The following EPM2A variants were observed in gnomAD, a reference collection of about 807,000 sequenced individuals.
EPM2A encodes the protein laforin.
EPM2A carries 21 observed loss-of-function variants against 26.5 expected under a neutral mutation model. The observed-to-expected ratio is 0.79, with a 90% CI of 0.56 to 1.14. The LOEUF is 1.14. Ranked by LOEUF, EPM2A falls within the 50% of genes most tolerant of loss-of-function variation. The pLI is 0.00. For synonymous variants in EPM2A, 217 were observed against 177.6 expected, an observed-to-expected ratio of 1.22 and a Z score of -1.76; for missense variants, 458 against 440.8, an observed-to-expected ratio of 1.04 and a Z score of -0.35.
At chr6:145,632,012 T>A (rs1776297651) in intron 3 of EPM2A, 2 of 152,196 alleles carry the variant, frequency 1.3e-5, no homozygotes, top group Non-Finnish European at 2.9e-5. Flanking sequence ...ATCTATAACA[T>A]CCTTTGGTAG....
intron 1 of EPM2A, among the ~76,000 whole-genome samples, chr6:145,710,143 T>C (rs563439868): frequency 6.6e-6 from 1 of 152,066 alleles, no homozygotes; most frequent in Non-Finnish European, 1.5e-5. Context: ...AAAGAGCTTC[T>C]GCACAGCAAA....
chr6:145,711,673 T>C (rs759250116), intron 1 of EPM2A, among the ~76,000 whole-genome samples: 1 of 152,002 alleles, frequency 6.6e-6, no homozygotes, highest in African/African-American at 2.4e-5. Context: ...AGTATTAGAG[T>C]TGGCAAAGGA....
intron 2 of EPM2A, among the ~76,000 whole-genome samples, chr6:145,609,371 G>T (rs1448881241): frequency 6.6e-6 from 1 of 152,108 alleles, no homozygotes; most frequent in African/African-American, 2.4e-5. Context: ...TAAGATTTTT[G>T]TCAGGTTTGT....
chr6:145,664,075 G>A (rs1434887468), intron 2 of EPM2A, among the ~76,000 whole-genome samples: 2 of 82,048 alleles, frequency 2.4e-5, no homozygotes, highest in Non-Finnish European at 4.7e-5. Flanking sequence ...AAAATGTAAA[G>A]ACCATCGAGA....
intron 2 of EPM2A, among the ~76,000 whole-genome samples, chr6:145,571,237 C>T (rs1198636406): frequency 2.6e-5 from 4 of 152,140 alleles, no homozygotes; most frequent in Non-Finnish European, 5.9e-5. Context: ...TCCTGGAGAA[C>T]TTAGCCCCAG....
At chr6:145,447,425 C>A (rs182570594) in intron 4 of EPM2A, among the ~76,000 whole-genome samples, 3 of 151,988 alleles carry the variant, frequency 2.0e-5, no homozygotes. Flanking sequence ...TTTGGAGTTT[C>A]ATTATCTCTC....
intron 2 of EPM2A, among the ~76,000 whole-genome samples, chr6:145,662,171 T>C (rs1778766654): frequency 6.6e-6 from 1 of 152,204 alleles, no homozygotes. Context: ...CTTCCTTCTC[T>C]TCTCTCTCTT....
intron 4 of EPM2A, among the ~76,000 whole-genome samples, chr6:145,428,872 T>G (rs1409626856): frequency 6.6e-6 from 1 of 152,216 alleles, no homozygotes; most frequent in East Asian, 1.9e-4. Context: ...GCACTTATCA[T>G]TAACCCAGAG....
At chr6:145,525,585 G>A (rs1209507488) in intron 2 of EPM2A, among the ~76,000 whole-genome samples, 1 of 151,876 alleles carries the variant, frequency 6.6e-6, no homozygotes, top group Non-Finnish European at 1.5e-5. Flanking sequence ...TTGTTGATTT[G>A]GCTCTCATCT....
intron 1 of EPM2A, among the ~76,000 whole-genome samples, chr6:145,731,882 T>G (rs369426219): frequency 6.6e-6 from 1 of 152,084 alleles, no homozygotes; most frequent in Non-Finnish European, 1.5e-5. Context: ...CTAACAGGAA[T>G]GGGCTTAGTT....
At chr6:145,474,578 T>C (rs1483539776) in intron 4 of EPM2A, among the ~76,000 whole-genome samples, 2 of 152,104 alleles carry the variant, frequency 1.3e-5, no homozygotes, top group Non-Finnish European at 2.9e-5. Context: ...ACTTCATGAC[T>C]AAAACACCAA....
chr6:145,541,150 T>G (rs1780503706), intron 2 of EPM2A, among the ~76,000 whole-genome samples: 1 of 147,462 alleles, frequency 6.8e-6, no homozygotes, highest in Non-Finnish European at 1.5e-5. Flanking sequence ...TAAAAATAAC[T>G]TTTTAACTAT....
At chr6:145,402,833 T>A (rs1272955750) in intron 4 of EPM2A, among the ~76,000 whole-genome samples, 2 of 152,098 alleles carry the variant, frequency 1.3e-5, no homozygotes, top group East Asian at 3.9e-4. Flanking sequence ...TCTTAAAGAG[T>A]TAAATCTACT....
chr6:145,680,302 C>T (rs1483071849), intron 2 of EPM2A, among the ~76,000 whole-genome samples: 2 of 150,906 alleles, frequency 1.3e-5, no homozygotes, highest in Non-Finnish European at 2.9e-5. Context: ...ACATAAACCT[C>T]TCTAGATAAA....
At chr6:145,548,406 A>G (rs1434634567) in intron 2 of EPM2A, among the ~76,000 whole-genome samples, 1 of 152,112 alleles carries the variant, frequency 6.6e-6, no homozygotes, top group African/African-American at 2.4e-5. Context: ...TCCTGCCTAG[A>G]TGACTTTGCA....
intron 2 of EPM2A, among the ~76,000 whole-genome samples, chr6:145,557,428 A>AAAAT (rs1780742153): frequency 6.6e-6 from 1 of 152,118 alleles, no homozygotes; most frequent in Non-Finnish European, 1.5e-5. Context: ...TAAAAAATGG[A>AAAAT]AAATTTTTTA....
intron 2 of EPM2A, among the ~76,000 whole-genome samples, chr6:145,542,885 C>A (rs640544): frequency 0.45 from 67,686 of 151,762 alleles, 15,128 homozygotes; most frequent in South Asian, 0.58. Context: ...CAGCCTCCCG[C>A]GTAGCTGGGA....
At chr6:145,394,865 T>C (rs1313362709) in intron 4 of EPM2A, among the ~76,000 whole-genome samples, 1 of 152,134 alleles carries the variant, frequency 6.6e-6, no homozygotes, top group South Asian at 2.1e-4. Flanking sequence ...CACTTACTTT[T>C]CTCAAATCTT....
At chr6:145,405,981 T>C (rs1355424487) in intron 4 of EPM2A, among the ~76,000 whole-genome samples, 3 of 146,608 alleles carry the variant, frequency 2.0e-5, no homozygotes, top group African/African-American at 5.0e-5. Context: ...TGGAGATACC[T>C]ACACACACAC....
Sources: gnomAD v4.1 joint callset for allele counts (sites outside exome capture counted in the v4.1 genomes callset) on GRCh38, gnomAD v4.1.1 for gene constraint, MANE v1.5 for transcripts, NCBI Gene and HGNC (gene_info 2026-07-23, HGNC 2026-07-21) for gene names.